Variants in RAP1GAP2 observed in about 807,000 individuals in gnomAD.
RAP1GAP2 encodes the protein rap1 GTPase-activating protein 2.
A neutral mutation model predicts 95.0 loss-of-function variants in RAP1GAP2; 27 were observed. The observed-to-expected ratio is 0.28, with a 90% CI of 0.21 to 0.39. The LOEUF is 0.39. RAP1GAP2 is among the 10% of genes least tolerant of loss of function. RAP1GAP2 has a pLI of 1.00. For synonymous variants in RAP1GAP2, 373 were observed against 380.9 expected (o/e 0.98, Z 0.24); for missense variants, 771 against 970.0 (o/e 0.79, Z 2.72).
In RAP1GAP2 at chr17:3,004,543, T is replaced by C. The variant is rs190783776; in HGVS notation, c.1201-826T>C. 2.3e-3 allele frequency among the ~76,000 whole-genome samples: 353 copies of C among 152,364 alleles called. 4 individuals carry two copies. The highest frequency in any genetic ancestry group is 8.0e-3 in the African/African-American group (334 of 41,592). ...AGAATAGGTGAAGTCAGGGCACCTC[T>C]GTGCAGAGGGAAGGCGGGGTGTGGG... On this transcript the variant is annotated intron_variant, in intron 14 of 24. Transcript: ENST00000254695. This position sits in a 1 kb window ranked among gnomAD's most constrained non-coding sequence, Gnocchi z 4.1.
intron 2 of RAP1GAP2, among the ~76,000 whole-genome samples, chr17:2,837,668 G>A (rs1387097822): frequency 9.0e-5 from 13 of 143,992 alleles, no homozygotes; most frequent in South Asian, 2.2e-4. Flanking sequence ...GTGCAGTGGC[G>A]TGACCTTGGC....
At chr17:2,938,583 A>AT (rs532498673) in intron 3 of RAP1GAP2, among the ~76,000 whole-genome samples, 3 of 152,060 alleles carry the variant, frequency 2.0e-5, no homozygotes, top group African/African-American at 4.8e-5. Flanking sequence ...GCTATCTTTA[A>AT]TTTTTTTTGG....
chr17:2,874,754 C>T (rs868271354), intron 2 of RAP1GAP2, among the ~76,000 whole-genome samples: 5 of 152,144 alleles, frequency 3.3e-5, no homozygotes, highest in African/African-American at 4.8e-5. Context: ...GTTTAGCTTG[C>T]GAGCTCTCTG....
At chr17:2,964,682 G>A (rs909270243) in intron 7 of RAP1GAP2, 1 of 153,448 alleles carries the variant, frequency 6.5e-6, no homozygotes, top group African/African-American at 2.4e-5. Context: ...CACACCTCAA[G>A]AAGTCTCTGT....
chr17:2,936,034 G>C (rs2043297767), intron 3 of RAP1GAP2, among the ~76,000 whole-genome samples: 1 of 152,066 alleles, frequency 6.6e-6, no homozygotes, highest in Non-Finnish European at 1.5e-5. Context: ...TTGACGGTGG[G>C]GAGATGTGCG....
intron 22 of RAP1GAP2, 145 bp from the exon 23 acceptor site, chr17:3,030,777 G>A (rs189155026): frequency 7.7e-5 from 52 of 676,512 alleles, no homozygotes; most frequent in Admixed American, 5.7e-4. Context: ...GTTGGCTCTC[G>A]TGGGTCGGCA....
intron 4 of RAP1GAP2, among the ~76,000 whole-genome samples, chr17:2,960,301 G>T (rs1198766899): frequency 6.6e-6 from 1 of 152,098 alleles, no homozygotes; most frequent in Non-Finnish European, 1.5e-5. Context: ...CCCAGACAGG[G>T]ATGACTAATG....
At chr17:2,990,352 T>C (rs536894297) in intron 11 of RAP1GAP2, among the ~76,000 whole-genome samples, 2 of 152,368 alleles carry the variant, frequency 1.3e-5, no homozygotes, top group African/African-American at 4.8e-5. Flanking sequence ...GTTTAGCCTT[T>C]GGCACATGCC....
At chr17:2,953,163 C>T (rs1365854519) in intron 3 of RAP1GAP2, among the ~76,000 whole-genome samples, 2 of 151,786 alleles carry the variant, frequency 1.3e-5, no homozygotes, top group Non-Finnish European at 2.9e-5. Context: ...TCTTCCAGAT[C>T]ATTTTCTATG....
intron 2 of RAP1GAP2, among the ~76,000 whole-genome samples, chr17:2,811,518 T>C (rs967786108): frequency 6.6e-6 from 1 of 152,236 alleles, no homozygotes; most frequent in African/African-American, 2.4e-5. Context: ...CTGGCCTGTC[T>C]TAGCGGATCT....
chr17:2,853,685 C>T (rs2151600251), intron 2 of RAP1GAP2, among the ~76,000 whole-genome samples: 1 of 145,464 alleles, frequency 6.9e-6, no homozygotes, highest in South Asian at 2.1e-4. Flanking sequence ...GGTCCCGGCG[C>T]GGGCGGCGCG....
chr17:2,943,076 A>G (rs1401848289), intron 3 of RAP1GAP2, among the ~76,000 whole-genome samples: 2 of 152,042 alleles, frequency 1.3e-5, no homozygotes. Context: ...ACCTAGTTCC[A>G]AAATATTTGA....
At chr17:2,912,238 T>C (rs1045387145) in intron 3 of RAP1GAP2, among the ~76,000 whole-genome samples, 3 of 152,200 alleles carry the variant, frequency 2.0e-5, no homozygotes, top group African/African-American at 7.2e-5. Context: ...AGAGCTGGGC[T>C]GGGCCTCCCT....
intron 2 of RAP1GAP2, among the ~76,000 whole-genome samples, chr17:2,862,795 C>T (rs1235183776): frequency 2.0e-5 from 3 of 151,956 alleles, no homozygotes; most frequent in African/African-American, 4.8e-5. Context: ...GCTGGGAGTT[C>T]GAGACCAGCC....
chr17:3,007,279 C>G lies in RAP1GAP2; in HGVS notation c.1360-732C>G, dbSNP rs181608726. Among the ~76,000 whole-genome samples, 504 of 151,928 alleles carry G rather than the reference C, an allele frequency of 3.3e-3. 1 individual carries two copies. Among genetic ancestry groups the G allele is most frequent in the South Asian group, 0.016 (78 of 4,796 alleles). On this transcript the variant is annotated intron_variant, in intron 16 of 24. Coordinates refer to ENST00000254695, the MANE Select transcript of RAP1GAP2 (RefSeq NM_015085.5). ...CGCTTAGGCAGGAGAGTGAGGGGCT[C>G]GATGTGTATGCCAGAGGGATTGCTC...
At position 2,964,085 on chromosome 17, in the gene RAP1GAP2, G is replaced by A. The variant is rs2044467588; in HGVS notation, c.492+17G>A. On this transcript the variant is annotated intron_variant, in intron 7 of 24. Transcript: ENST00000254695. Reference sequence around the variant, plus strand: ...CTGGGGAAGGTGAGGCTGGGGGAGAGGAGCTGCTGGGGGTTGGGGGCAGAG... The same window carrying A: ...CTGGGGAAGGTGAGGCTGGGGGAGAAGAGCTGCTGGGGGTTGGGGGCAGAG... 1 of 1,595,058 alleles carries A rather than the reference G, an allele frequency of 6.3e-7. No individual in the cohort carries two copies. The highest frequency in any genetic ancestry group is 1.4e-5 in the African/African-American group (1 of 73,120).
chr17:2,859,503 T>A (rs1466197466), intron 2 of RAP1GAP2, among the ~76,000 whole-genome samples: 1 of 152,148 alleles, frequency 6.6e-6, no homozygotes, highest in Non-Finnish European at 1.5e-5. Flanking sequence ...TGGTATGATC[T>A]TGGCTTACTG....
At chr17:2,973,053 G>T (rs2044942319) in intron 8 of RAP1GAP2, among the ~76,000 whole-genome samples, 1 of 152,172 alleles carries the variant, frequency 6.6e-6, no homozygotes, top group Non-Finnish European at 1.5e-5. Context: ...GAGAACTGAA[G>T]GCAATGTGGA....
At chr17:2,848,110 G>A (rs568672133) in intron 2 of RAP1GAP2, among the ~76,000 whole-genome samples, 4 of 152,084 alleles carry the variant, frequency 2.6e-5, no homozygotes, top group Admixed American at 2.0e-4. Flanking sequence ...TTGACATCAC[G>A]TACTGCAGGC....
Sources: gnomAD v4.1 joint callset for allele counts (sites outside exome capture counted in the v4.1 genomes callset) on GRCh38, gnomAD v4.1.1 for gene constraint, Gnocchi (gnomAD v3.1) non-coding constraint, MANE v1.5 for transcripts, NCBI Gene and HGNC (gene_info 2026-07-23, HGNC 2026-07-21) for gene names.